C3orf49: variants seen among roughly 807,000 people sequenced by gnomAD.
The protein encoded by C3orf49 is putative uncharacterized protein C3orf49.
A neutral mutation model predicts 13.3 loss-of-function variants in C3orf49; 27 were observed. That is an observed-to-expected ratio of 2.02 (90% CI 1.49 to 2.79). The LOEUF (loss-of-function observed/expected upper bound fraction) is 2.79, where lower values mean the gene tolerates loss of function less well. C3orf49 is among the 30% of genes most tolerant of loss of function. The probability of loss-of-function intolerance (pLI) is 0.00; values close to 1 mark genes in which losing one functional copy is unlikely to be tolerated. For synonymous variants in C3orf49, 87 were observed against 47.6 expected, an observed-to-expected ratio of 1.83 and a Z score of -3.40; for missense variants, 242 against 134.2, an observed-to-expected ratio of 1.80 and a Z score of -3.97.
the C3orf49 span, among the ~76,000 whole-genome samples, chr3:63,807,578 T>TG: frequency 3.3e-5 from 5 of 152,048 alleles, no homozygotes; most frequent in Non-Finnish European, 7.4e-5. Context: ...AAAAGTTGGC[T>TG]GGGCAAGTGG....
the C3orf49 span, among the ~76,000 whole-genome samples, chr3:63,803,026 C>G: frequency 3.9e-5 from 6 of 152,140 alleles, no homozygotes; most frequent in African/African-American, 1.2e-4. Flanking sequence ...TTACACCAAA[C>G]TGAAGCTGGA....
At chr3:63,793,957 C>T in the C3orf49 span, among the ~76,000 whole-genome samples, 3 of 152,054 alleles carry the variant, frequency 2.0e-5, no homozygotes, top group Admixed American at 2.0e-4. Flanking sequence ...GAGTTTGAGA[C>T]CAGCCTGGGA....
chr3:63,794,261 C>G, the C3orf49 span, among the ~76,000 whole-genome samples: 1 of 152,074 alleles, frequency 6.6e-6, no homozygotes, highest in East Asian at 1.9e-4. Context: ...AATATGTTCC[C>G]TTATACCCCA....
the C3orf49 span, among the ~76,000 whole-genome samples, chr3:63,780,426 T>C: frequency 6.6e-6 from 1 of 152,224 alleles, no homozygotes; most frequent in East Asian, 1.9e-4. Flanking sequence ...TTTGCTATTG[T>C]GAATGGTGCC....
chr3:63,783,230 T>C, the C3orf49 span: 1 of 152,196 alleles, frequency 6.6e-6, no homozygotes, highest in Non-Finnish European at 1.5e-5. Flanking sequence ...TGAAATGTAC[T>C]ATTAAGACCA....
At chr3:63,796,958 A>G in the C3orf49 span, among the ~76,000 whole-genome samples, 2 of 152,096 alleles carry the variant, frequency 1.3e-5, no homozygotes, top group Non-Finnish European at 2.9e-5. Context: ...TTTGTCTGAG[A>G]AAGTCTTTAT....
the C3orf49 span, among the ~76,000 whole-genome samples, chr3:63,801,778 G>GTAGACATATCCAC: frequency 0.072 from 10,892 of 152,088 alleles, 619 homozygotes; most frequent in African/African-American, 0.15. Context: ...GAGCATCTAT[G>GTAGACATATCCAC]TAGACATATC....
intron 3 of C3orf49, among the ~76,000 whole-genome samples, chr3:63,830,060 A>G (rs1335419683): frequency 6.6e-6 from 1 of 152,210 alleles, no homozygotes; most frequent in Non-Finnish European, 1.5e-5. Flanking sequence ...TTGAAAAATA[A>G]AAAGATTTGA....
At chr3:63,798,566 C>T in the C3orf49 span, among the ~76,000 whole-genome samples, 1 of 151,384 alleles carries the variant, frequency 6.6e-6, no homozygotes, top group African/African-American at 2.4e-5. Context: ...ATTTTACTAT[C>T]ATCATCATCA....
rs1374255142 is a variant in C3orf49, at chr3:63,831,756, G to C, written c.761G>C (p.Cys254Ser). ...LAQRHAELQQCEFLGDEILQS... is the reference protein window; with the variant it reads ...LAQRHAELQQSEFLGDEILQS... ...CAAAGACATGCTGAGCTTCAACAGT[G>C]TGAGTTTCTGGGGGATGAAATTCTT... Residue 254 changes from cysteine to serine, a missense_variant, in exon 5 of 7, where the codon TGT (cysteine) becomes TCT (serine). Coordinates refer to ENST00000295896, the MANE Select transcript of C3orf49 (RefSeq NM_001355236.2). The C allele has an allele frequency of 5.7e-6, 4 of 703,076 alleles. No homozygotes were observed. The highest frequency in any genetic ancestry group is 1.0e-5 in the Non-Finnish European group (4 of 385,036). The allele number at this position is 703,076 out of a possible 1,614,324, so 43.6% of individuals were successfully genotyped here. A position where few individuals can be genotyped will look rare whatever the true frequency, so the allele number is the denominator to read the frequency against.
At chr3:63,809,019 G>T in the C3orf49 span, among the ~76,000 whole-genome samples, 1 of 152,006 alleles carries the variant, frequency 6.6e-6, no homozygotes, top group South Asian at 2.1e-4. Flanking sequence ...AAAACCTCAT[G>T]AATCTATTTC....
At chr3:63,827,573 C>A (rs1701479595) in intron 2 of C3orf49, 28 bp from the exon 3 acceptor site, 1 of 698,574 alleles carries the variant, frequency 1.4e-6, no homozygotes, top group South Asian at 1.5e-5. Context: ...GTGATCCTTA[C>A]AGATTCCTTT....
the C3orf49 span, among the ~76,000 whole-genome samples, chr3:63,783,539 C>G: frequency 1.3e-5 from 2 of 150,116 alleles, no homozygotes; most frequent in East Asian, 2.0e-4. Flanking sequence ...CACACACACA[C>G]ACACACACAC....
chr3:63,824,501 A>G (rs1042429674), intron 2 of C3orf49, among the ~76,000 whole-genome samples: 2 of 152,200 alleles, frequency 1.3e-5, no homozygotes, highest in Non-Finnish European at 2.9e-5. Context: ...ATGACTAACA[A>G]TACTACCAAT....
intron 5 of C3orf49, among the ~76,000 whole-genome samples, chr3:63,839,217 G>A (rs977728481): frequency 1.3e-5 from 2 of 152,098 alleles, no homozygotes; most frequent in Admixed American, 1.3e-4. Flanking sequence ...ATATACGTGT[G>A]TGCGTGTGTA....
the C3orf49 span, among the ~76,000 whole-genome samples, chr3:63,796,862 G>A: frequency 7.9e-5 from 12 of 151,908 alleles, no homozygotes; most frequent in East Asian, 3.9e-4. Flanking sequence ...AAGTTTCTGC[G>A]CCATATAATT....
the C3orf49 span, among the ~76,000 whole-genome samples, chr3:63,793,043 T>G: frequency 6.6e-6 from 1 of 152,304 alleles, no homozygotes; most frequent in Non-Finnish European, 1.5e-5. Flanking sequence ...ATGCCATGAA[T>G]GGGTTCCCAC....
chr3:63,826,406 TA>T (rs2107101378), intron 2 of C3orf49, among the ~76,000 whole-genome samples: 1 of 152,004 alleles, frequency 6.6e-6, no homozygotes, highest in African/African-American at 2.4e-5. Flanking sequence ...TAAGCATAGG[TA>T]GAAGTTACAA....
rs181162547 is a variant in C3orf49 at position 63,823,374 on chromosome 3, A to G, written c.250A>G (p.Thr84Ala). Residue 84 changes from threonine to alanine, a missense_variant, in exon 2 of 7, where the codon ACG (threonine) becomes GCG (alanine). Transcript: ENST00000295896. ...SQQNQKSNLK[T>A]KVKTAFGRML... The stretch of plus-strand genomic sequence containing the variant: ...GCAAAATCAGAAAAGTAATTTGAAG[A>G]CGAAAGTGAAGACTGCTTTTGGGAG... The G allele has an allele frequency of 1.0e-3, 718 of 703,340 alleles. 1 individual carries two copies. The highest frequency in any genetic ancestry group is 1.7e-3 in the Non-Finnish European group (656 of 385,090). The allele number at this position is 703,340 out of a possible 1,614,324, so 43.6% of individuals were successfully genotyped here.
Sources: gnomAD v4.1 joint callset for allele counts (sites outside exome capture counted in the v4.1 genomes callset) on GRCh38, gnomAD v4.1.1 for gene constraint, MANE v1.5 for transcripts, NCBI Gene and HGNC (gene_info 2026-07-23, HGNC 2026-07-21) for gene names.